NRXN1: variants seen among roughly 807,000 people sequenced by gnomAD.
The protein encoded by NRXN1 is neurexin 1, also known as neurexin-1.
A neutral mutation model predicts 150.9 loss-of-function variants in NRXN1; 39 were observed. The ratio of observed to expected loss-of-function variants is 0.26; its 90% CI spans 0.20 to 0.34. The LOEUF (loss-of-function observed/expected upper bound fraction) is 0.34. Ranked by LOEUF, NRXN1 falls within the 10% of genes least tolerant of loss-of-function variation. The pLI, the probability that NRXN1 is intolerant of heterozygous loss-of-function variation, is 1.00. For missense variants in NRXN1, 1,815 were observed against 1,949.9 expected (o/e 0.93, Z 1.30); for synonymous variants, 924 against 757.0 (o/e 1.22, Z -3.62).
intron 17 of NRXN1, among the ~76,000 whole-genome samples, chr2:50,251,923 C>A (rs2067129963): frequency 6.6e-6 from 1 of 152,054 alleles, no homozygotes; most frequent in Non-Finnish European, 1.5e-5. Context: ...CTTGTAGATT[C>A]TGGATATTAG....
chr2:51,010,755 A>G (rs1455356553), intron 2 of NRXN1, among the ~76,000 whole-genome samples: 2 of 151,620 alleles, frequency 1.3e-5, no homozygotes, highest in East Asian at 2.0e-4. Flanking sequence ...CTACGTTGCC[A>G]CACCTTTCGG....
chr2:50,424,184 AG>A (rs2084266688), intron 17 of NRXN1, among the ~76,000 whole-genome samples: 1 of 31,204 alleles, frequency 3.2e-5, no homozygotes, highest in Admixed American at 4.8e-4. Context: ...GGGAGGAGGA[AG>A]AGGGGGAGGA....
At chr2:50,972,070 A>T (rs777278675) in intron 2 of NRXN1, among the ~76,000 whole-genome samples, 27 of 137,712 alleles carry the variant, frequency 2.0e-4, no homozygotes, top group Non-Finnish European at 1.9e-4. Context: ...TAAATCTCTG[A>T]TAATTTATTT....
intron 2 of NRXN1, among the ~76,000 whole-genome samples, chr2:51,022,131 G>A (rs1485869769): frequency 6.6e-6 from 1 of 152,002 alleles, no homozygotes; most frequent in African/African-American, 2.4e-5. Context: ...AATTTTGCTT[G>A]AAAGTACCCC....
chr2:50,665,719 C>G (rs1687928779), intron 5 of NRXN1, among the ~76,000 whole-genome samples: 1 of 151,892 alleles, frequency 6.6e-6, no homozygotes, highest in Non-Finnish European at 1.5e-5. Flanking sequence ...AGGCCCTTCT[C>G]TAATCATATG....
At chr2:50,373,294 T>TTATTATTATTA (rs1553512407) in intron 17 of NRXN1, among the ~76,000 whole-genome samples, 9,007 of 140,294 alleles carry the variant, frequency 0.064, 477 homozygotes, top group East Asian at 0.15. Flanking sequence ...TATTTTATTT[T>TTATTATTATTA]TTATTATTAT....
intron 21 of NRXN1, among the ~76,000 whole-genome samples, chr2:49,990,323 T>C (rs559237683): frequency 6.6e-6 from 1 of 152,108 alleles, no homozygotes; most frequent in African/African-American, 2.4e-5. Context: ...CTAAGAATGA[T>C]CTAAGAGCAC....
chr2:50,729,522 G>A (rs1255330201), intron 5 of NRXN1, among the ~76,000 whole-genome samples: 1 of 152,174 alleles, frequency 6.6e-6, no homozygotes, highest in Non-Finnish European at 1.5e-5. Flanking sequence ...TATGCTAAAC[G>A]GCTTCAGCAA....
At chr2:50,983,613 T>C (rs945984118) in intron 2 of NRXN1, among the ~76,000 whole-genome samples, 2 of 152,126 alleles carry the variant, frequency 1.3e-5, no homozygotes, top group African/African-American at 4.8e-5. Flanking sequence ...GGCTTCACAT[T>C]TATTTGCCTA....
chr2:50,306,951 C>G (rs916223111), intron 17 of NRXN1, among the ~76,000 whole-genome samples: 6 of 152,144 alleles, frequency 3.9e-5, no homozygotes, highest in Admixed American at 2.0e-4. Flanking sequence ...AAATGAGGAA[C>G]TGTCTGCCCT....
intron 2 of NRXN1, among the ~76,000 whole-genome samples, chr2:51,010,433 C>A (rs1667664296): frequency 6.6e-6 from 1 of 151,976 alleles, no homozygotes; most frequent in African/African-American, 2.4e-5. Flanking sequence ...ACAAAACACA[C>A]CTCATTCATG....
intron 21 of NRXN1, among the ~76,000 whole-genome samples, chr2:50,032,070 C>A (rs879699846): frequency 1.3e-5 from 2 of 151,896 alleles, no homozygotes; most frequent in Admixed American, 1.3e-4. Context: ...AAAATATCTA[C>A]CATTCAATTA....
chr2:50,548,485 A>AT lies in NRXN1; in HGVS notation c.1759+4101_1759+4102insA, dbSNP rs1166332341. On this transcript the variant is annotated intron_variant, in intron 9 of 22. Coordinates refer to ENST00000401669, the MANE Select transcript of NRXN1 (RefSeq NM_001330078.2). ...TTAAAAAAGTTGCATTTACAATTAAAAGAGTGCCATTATTCTCCAAATGTA... is the reference window on the plus strand; with the variant it reads ...TTAAAAAAGTTGCATTTACAATTAAATAGAGTGCCATTATTCTCCAAATGTA... 5.3e-5 allele frequency among the ~76,000 whole-genome samples: 8 copies of AT among 152,314 alleles called. No individual in the cohort carries two copies. In the East Asian group the frequency reaches 1.5e-3, roughly 29 times the overall value.
chr2:50,743,663 T>C (rs1699696914), intron 5 of NRXN1, among the ~76,000 whole-genome samples: 1 of 152,172 alleles, frequency 6.6e-6, no homozygotes, highest in Admixed American at 6.5e-5. Flanking sequence ...GAAACTTATC[T>C]AACAGATTTA....
intron 17 of NRXN1, among the ~76,000 whole-genome samples, chr2:50,444,964 C>T (rs1017635113): frequency 6.6e-6 from 1 of 152,172 alleles, no homozygotes; most frequent in Non-Finnish European, 1.5e-5. Flanking sequence ...AACACTCAGG[C>T]AAGTGCCTGA....
At chr2:50,753,343 G>C (rs987509448) in intron 5 of NRXN1, among the ~76,000 whole-genome samples, 1 of 151,844 alleles carries the variant, frequency 6.6e-6, no homozygotes, top group South Asian at 2.1e-4. Context: ...ATCTCAAATG[G>C]GAAGTAGATG....
At chr2:50,834,523 G>A (rs1671836293) in intron 5 of NRXN1, among the ~76,000 whole-genome samples, 1 of 152,014 alleles carries the variant, frequency 6.6e-6, no homozygotes, top group Admixed American at 6.6e-5. Context: ...TACCCTAAAT[G>A]ATCTGACCAG....
At chr2:50,536,539 A>G (rs1265403460) in intron 10 of NRXN1, among the ~76,000 whole-genome samples, 1 of 152,204 alleles carries the variant, frequency 6.6e-6, no homozygotes, top group African/African-American at 2.4e-5. Context: ...AGGGTGGTAC[A>G]CCACGCATAG....
intron 18 of NRXN1, among the ~76,000 whole-genome samples, chr2:50,162,512 G>A (rs2059422246): frequency 6.6e-6 from 1 of 151,936 alleles, no homozygotes; most frequent in Admixed American, 6.6e-5. Context: ...TAGCAACAGT[G>A]CACTATGAAA....
Sources: gnomAD v4.1 joint callset for allele counts (sites outside exome capture counted in the v4.1 genomes callset) on GRCh38, gnomAD v4.1.1 for gene constraint, MANE v1.5 for transcripts, NCBI Gene and HGNC (gene_info 2026-07-23, HGNC 2026-07-21) for gene names.